The following KCTD8 variants were observed in gnomAD, a reference collection of about 807,000 sequenced individuals.
KCTD8 encodes the protein potassium channel tetramerization domain containing 8.
KCTD8 carries 27 observed loss-of-function variants against 31.5 expected under a neutral mutation model. The observed-to-expected ratio is 0.86, with a 90% CI of 0.63 to 1.18. KCTD8 has a LOEUF of 1.18. KCTD8 is among the 50% of genes most tolerant of loss of function. The probability of loss-of-function intolerance (pLI) is 0.00; values close to 1 mark genes in which losing one functional copy is unlikely to be tolerated. For synonymous variants in KCTD8, 290 were observed against 280.0 expected (o/e 1.04, Z -0.36); for missense variants, 658 against 647.7 (o/e 1.02, Z -0.17).
At chr4:44,418,870 A>G (rs1000583130) in intron 1 of KCTD8, among the ~76,000 whole-genome samples, 3 of 152,226 alleles carry the variant, frequency 2.0e-5, no homozygotes, top group Admixed American at 2.0e-4. Flanking sequence ...AAAAGTAGTT[A>G]TCATTACTAT....
intron 1 of KCTD8, among the ~76,000 whole-genome samples, chr4:44,408,755 A>G (rs1450118125): frequency 6.6e-6 from 1 of 152,026 alleles, no homozygotes; most frequent in African/African-American, 2.4e-5. Context: ...AGTATCTGGG[A>G]TTACAGGTAC....
At chr4:44,426,817 A>G (rs1386736628) in intron 1 of KCTD8, among the ~76,000 whole-genome samples, 1 of 151,792 alleles carries the variant, frequency 6.6e-6, no homozygotes, top group African/African-American at 2.4e-5. Flanking sequence ...GAAAGAAACA[A>G]ATCTAGTTTC....
At chr4:44,369,181 CATTCGGCACAGTCTTCTGTA>C (rs1719718244) in intron 1 of KCTD8, among the ~76,000 whole-genome samples, 1 of 152,220 alleles carries the variant, frequency 6.6e-6, no homozygotes, top group Non-Finnish European at 1.5e-5. Context: ...GAGGAGAATT[CATTCGGCACAGTCTTCTGTA>C]ATTGATTGGA....
intron 1 of KCTD8, among the ~76,000 whole-genome samples, chr4:44,203,138 G>A (rs1335804211): frequency 6.6e-6 from 1 of 152,056 alleles, no homozygotes; most frequent in African/African-American, 2.4e-5. Flanking sequence ...AATCTGTAGG[G>A]CATACCCAAA....
intron 1 of KCTD8, among the ~76,000 whole-genome samples, chr4:44,407,059 T>A (rs1431368428): frequency 6.6e-6 from 1 of 152,222 alleles, no homozygotes; most frequent in African/African-American, 2.4e-5. Flanking sequence ...ATTGCTTAAC[T>A]ATCACTCTAC....
intron 1 of KCTD8, among the ~76,000 whole-genome samples, chr4:44,256,946 C>A (rs760547597): frequency 2.6e-5 from 4 of 151,870 alleles, no homozygotes; most frequent in Non-Finnish European, 4.4e-5. Context: ...CCTCTATGAC[C>A]TAACAGTTTC....
At chr4:44,372,790 G>A (rs1017326577) in intron 1 of KCTD8, among the ~76,000 whole-genome samples, 1 of 152,114 alleles carries the variant, frequency 6.6e-6, no homozygotes, top group Non-Finnish European at 1.5e-5. Context: ...CAGAGACATT[G>A]CTTCAATTCT....
At chr4:44,402,238 C>T (rs966145908) in intron 1 of KCTD8, among the ~76,000 whole-genome samples, 14 of 152,242 alleles carry the variant, frequency 9.2e-5, no homozygotes, top group African/African-American at 3.1e-4. Context: ...ATTTTGGTAT[C>T]TTTGAATTTA....
chr4:44,174,910 T>G lies in KCTD8; in HGVS notation c.1302A>C (p.Leu434=). 6.2e-7 allele frequency: 1 copy of G among 1,614,142 alleles called. No individual in the cohort carries two copies. Among genetic ancestry groups the G allele is most frequent in the Non-Finnish European group, 8.5e-7 (1 of 1,179,986 alleles). ...NLSKKKVCEK[L]SVEEEMKKCI... ...ACTTTTTCATTTCTTCTTCCACACT[T>G]AGCTTCTCACAGACTTTCTTTTTGG... Residue 434 remains leucine (L), a synonymous_variant, in exon 2 of 2, where the codon CTA becomes CTC. Coordinates refer to ENST00000360029, the MANE Select transcript of KCTD8 (RefSeq NM_198353.3).
At chr4:44,186,093 A>G (rs192957839) in intron 1 of KCTD8, among the ~76,000 whole-genome samples, 68 of 152,250 alleles carry the variant, frequency 4.5e-4, no homozygotes, top group African/African-American at 1.5e-3. Flanking sequence ...TCCTGGGCCT[A>G]TAAAAACCCC....
At chr4:44,438,396 A>C (rs946203929) in intron 1 of KCTD8, among the ~76,000 whole-genome samples, 1 of 152,174 alleles carries the variant, frequency 6.6e-6, no homozygotes, top group Non-Finnish European at 1.5e-5. Flanking sequence ...AAACTGTTGA[A>C]ACTGCAAACT....
chr4:44,398,133 T>A (rs1476830842), intron 1 of KCTD8, among the ~76,000 whole-genome samples: 1 of 152,184 alleles, frequency 6.6e-6, no homozygotes, highest in African/African-American at 2.4e-5. Context: ...TAAAAAGTTG[T>A]ATGTCAAGTA....
chr4:44,361,476 G>A (rs1412216680), intron 1 of KCTD8, among the ~76,000 whole-genome samples: 2 of 152,038 alleles, frequency 1.3e-5, no homozygotes, highest in Non-Finnish European at 2.9e-5. Flanking sequence ...ACTTAATAGT[G>A]ATGCCTCAGT....
intron 1 of KCTD8, among the ~76,000 whole-genome samples, chr4:44,224,750 A>G (rs907997214): frequency 1.3e-5 from 2 of 152,192 alleles, no homozygotes; most frequent in African/African-American, 4.8e-5. Context: ...AGTTCATTGC[A>G]GCTACTCTTG....
chr4:44,330,833 G>C (rs1420207884), intron 1 of KCTD8, among the ~76,000 whole-genome samples: 2 of 151,912 alleles, frequency 1.3e-5, no homozygotes, highest in Admixed American at 1.3e-4. Flanking sequence ...GACAAAGACA[G>C]TGTGTCCATC....
intron 1 of KCTD8, among the ~76,000 whole-genome samples, chr4:44,382,883 G>A (rs1437850339): frequency 6.6e-6 from 1 of 151,962 alleles, no homozygotes; most frequent in East Asian, 1.9e-4. Flanking sequence ...CCTGTTTGCA[G>A]ATGACATGAT....
At chr4:44,378,525 AATGTATCACCTAT>A (rs1719976412) in intron 1 of KCTD8, among the ~76,000 whole-genome samples, 1 of 152,038 alleles carries the variant, frequency 6.6e-6, no homozygotes, top group African/African-American at 2.4e-5. Flanking sequence ...TTGTTAACTG[AATGTATCACCTAT>A]CATATTATGG....
In KCTD8 at chr4:44,226,904, AAT is replaced by A. The variant is rs1047452480; in HGVS notation, c.962-51656_962-51655del. ...ATGGAGTTGTTTTTTTTTTCTTGTA[AAT>A]ATGTTTAAGTTCCTTGTAGATTCTG... On this transcript the variant is annotated intron_variant, in intron 1 of 1. Coordinates refer to ENST00000360029, the MANE Select transcript of KCTD8 (RefSeq NM_198353.3). 4.6e-5 allele frequency among the ~76,000 whole-genome samples: 7 copies of A among 151,506 alleles called. No homozygotes were observed. In the Middle Eastern group the frequency reaches 0.014, roughly 294 times the overall value.
chr4:44,365,338 A>G (rs1719603406), intron 1 of KCTD8, among the ~76,000 whole-genome samples: 1 of 152,164 alleles, frequency 6.6e-6, no homozygotes, highest in South Asian at 2.1e-4. Context: ...CAGTCTTTAT[A>G]ATGTTAAACG....
Sources: gnomAD v4.1 joint callset for allele counts (sites outside exome capture counted in the v4.1 genomes callset) on GRCh38, gnomAD v4.1.1 for gene constraint, MANE v1.5 for transcripts, NCBI Gene and HGNC (gene_info 2026-07-23, HGNC 2026-07-21) for gene names.